Variants in KSR2 observed in about 807,000 individuals in gnomAD.
The protein encoded by KSR2 is kinase suppressor of ras 2.
Under a neutral mutation model 107.8 loss-of-function variants are expected in KSR2, and 25 were observed. The ratio of observed to expected loss-of-function variants is 0.23; its 90% CI spans 0.17 to 0.32. The LOEUF (loss-of-function observed/expected upper bound fraction) is 0.32. KSR2 is among the 10% of genes least tolerant of loss of function. The pLI is 1.00. For synonymous variants in KSR2, 480 were observed against 507.0 expected, an observed-to-expected ratio of 0.95 and a Z score of 0.71; for missense variants, 887 against 1,268.9, an observed-to-expected ratio of 0.70 and a Z score of 4.57.
At chr12:117,924,659 G>T (rs1163957100) in intron 1 of KSR2, among the ~76,000 whole-genome samples, 1 of 151,436 alleles carries the variant, frequency 6.6e-6, no homozygotes, top group African/African-American at 2.4e-5. Flanking sequence ...CCCTAAGGAG[G>T]CATAAAAAAT....
At chr12:117,852,071 G>A (rs1216979413) in intron 3 of KSR2, among the ~76,000 whole-genome samples, 1 of 144,566 alleles carries the variant, frequency 6.9e-6, no homozygotes, top group African/African-American at 2.9e-5. Flanking sequence ...CTATGTGTGT[G>A]GGGGGGGTCA....
At chr12:117,587,544 C>T (rs914937466) in intron 5 of KSR2, among the ~76,000 whole-genome samples, 4 of 152,102 alleles carry the variant, frequency 2.6e-5, no homozygotes, top group Non-Finnish European at 5.9e-5. Flanking sequence ...TTCTGACCTC[C>T]AGAACTGTAA....
chr12:117,664,704 A>T (rs1201834615), intron 5 of KSR2, among the ~76,000 whole-genome samples: 1 of 152,138 alleles, frequency 6.6e-6, no homozygotes, highest in African/African-American at 2.4e-5. Context: ...AGACCCAGAT[A>T]GAGGAAGGAA....
At chr12:117,509,265 T>C (rs1019607869) in intron 14 of KSR2, among the ~76,000 whole-genome samples, 3 of 152,150 alleles carry the variant, frequency 2.0e-5, no homozygotes, top group African/African-American at 7.2e-5. Context: ...GGCCCCCTCC[T>C]CCTTCCATCC....
At chr12:117,938,374 C>T (rs1028498425) in intron 1 of KSR2, among the ~76,000 whole-genome samples, 4 of 151,978 alleles carry the variant, frequency 2.6e-5, no homozygotes, top group African/African-American at 9.7e-5. Context: ...ACATCATAGG[C>T]CAGGTGTGGG....
At position 117,455,132 on chromosome 12, in the gene KSR2, C is replaced by T. The variant is rs1870549700; in HGVS notation, c.*12067G>A. Reference sequence around the variant, plus strand: ...TGAGGTGGCCTGAGTACTGGTCTGACTCCAGCAAGCACAAAACTCTCCTCA... The same window carrying T: ...TGAGGTGGCCTGAGTACTGGTCTGATTCCAGCAAGCACAAAACTCTCCTCA... On this transcript the variant is annotated 3_prime_UTR_variant, in exon 20 of 20. Coordinates refer to ENST00000339824, the MANE Select transcript of KSR2 (RefSeq NM_173598.6). 1.3e-5 allele frequency: 2 copies of T among 151,526 alleles called. No individual in the cohort carries two copies. Among genetic ancestry groups the T allele is most frequent in the Admixed American group, 6.6e-5 (1 of 15,226 alleles). 9.4% of individuals were successfully genotyped at this position (151,526 alleles called of 1,614,324 possible). A position where few individuals can be genotyped will look rare whatever the true frequency, so the allele number is the denominator to read the frequency against.
chr12:117,886,623 A>G (rs1159611108), intron 1 of KSR2, among the ~76,000 whole-genome samples: 1 of 152,180 alleles, frequency 6.6e-6, no homozygotes, highest in Non-Finnish European at 1.5e-5. Flanking sequence ...CAATGAAATC[A>G]CCTAACAATG....
chr12:117,929,485 C>G (rs958613082), intron 1 of KSR2, among the ~76,000 whole-genome samples: 3 of 152,334 alleles, frequency 2.0e-5, no homozygotes, highest in Non-Finnish European at 2.9e-5. Flanking sequence ...CCACATGGAA[C>G]TGTGAGTCCA....
chr12:117,875,001 G>T (rs572485040), intron 1 of KSR2, among the ~76,000 whole-genome samples: 5 of 152,276 alleles, frequency 3.3e-5, no homozygotes, highest in African/African-American at 1.2e-4. Flanking sequence ...GCCCGGAGGT[G>T]TAATTTTCCA....
rs80030527 is a variant in KSR2, at chr12:117,938,560, T to TAATAAATAAATA, written c.180+29504_180+29515dup. 2.5e-3 allele frequency among the ~76,000 whole-genome samples: 366 copies of TAATAAATAAATA among 147,636 alleles called. 1 individual carries two copies. Among genetic ancestry groups the TAATAAATAAATA allele is most frequent in the Middle Eastern group, 0.017 (5 of 290 alleles). On this transcript the variant is annotated intron_variant, in intron 1 of 19. Coordinates refer to ENST00000339824, the MANE Select transcript of KSR2 (RefSeq NM_173598.6). ...TACCCTAAAACTTAAAGTATAATAA[T>TAATAAATAAATA]AATAAATAAATAAATAAATAAATAA...
intron 1 of KSR2, among the ~76,000 whole-genome samples, chr12:117,925,881 A>G (rs1566084631): frequency 6.6e-6 from 1 of 152,192 alleles, no homozygotes; most frequent in Non-Finnish European, 1.5e-5. Flanking sequence ...AAACAAAGTA[A>G]TGGGTGCCTA....
At chr12:117,530,787 T>C (rs1875565598) in intron 12 of KSR2, among the ~76,000 whole-genome samples, 154 bp downstream of exon 12, 1 of 152,086 alleles carries the variant, frequency 6.6e-6, no homozygotes, top group African/African-American at 2.4e-5. Context: ...CCTAAGTTAT[T>C]CCCTATGTCT....
chr12:117,851,657 G>A (rs963638001), intron 3 of KSR2, among the ~76,000 whole-genome samples: 9 of 152,078 alleles, frequency 5.9e-5, no homozygotes, highest in South Asian at 2.1e-4. Context: ...TTGGGAGGTC[G>A]AGCCGGATGG....
At chr12:117,793,342 C>T (rs1358737700) in intron 3 of KSR2, among the ~76,000 whole-genome samples, 3 of 137,578 alleles carry the variant, frequency 2.2e-5, no homozygotes, top group African/African-American at 8.3e-5. Context: ...CACATACACA[C>T]CAGCATGCAC....
At chr12:117,657,238 G>T (rs971796282) in intron 5 of KSR2, among the ~76,000 whole-genome samples, 6 of 151,730 alleles carry the variant, frequency 4.0e-5, no homozygotes, top group African/African-American at 1.5e-4. Context: ...CTAGAATAGG[G>T]GAGACTGCTG....
chr12:117,529,565 G>A lies in KSR2; in HGVS notation c.1802+1376C>T, dbSNP rs141448115. 2.6e-3 allele frequency among the ~76,000 whole-genome samples: 400 copies of A among 152,206 alleles called. 1 individual carries two copies. Among genetic ancestry groups the A allele is most frequent in the African/African-American group, 9.3e-3 (385 of 41,534 alleles). On this transcript the variant is annotated intron_variant, in intron 12 of 19. Coordinates refer to ENST00000339824, the MANE Select transcript of KSR2 (RefSeq NM_173598.6). ...AAGCAATAAACCACCTGAAAAGAGG[G>A]TCTGTTTCCTAAGGATGCTATGCAC...
chr12:117,626,856 C>G (rs1337196438), intron 5 of KSR2, among the ~76,000 whole-genome samples: 1 of 152,122 alleles, frequency 6.6e-6, no homozygotes, highest in Admixed American at 6.5e-5. Flanking sequence ...CTTTGTAGGT[C>G]TCTAAGGACT....
intron 1 of KSR2, among the ~76,000 whole-genome samples, chr12:117,892,354 CT>C (rs779727026): frequency 3.9e-5 from 6 of 152,102 alleles, no homozygotes; most frequent in Non-Finnish European, 5.9e-5. Context: ...TATCTTTTGT[CT>C]TTCTCATTTG....
intron 12 of KSR2, among the ~76,000 whole-genome samples, chr12:117,527,340 C>G (rs1048708512): frequency 4.5e-4 from 59 of 132,136 alleles, no homozygotes; most frequent in African/African-American, 1.9e-3. Flanking sequence ...CACACACACA[C>G]ACACACAGAC....
Sources: allele counts gnomAD v4.1 joint callset (sites outside exome capture counted in the v4.1 genomes callset), GRCh38; gene constraint gnomAD v4.1.1; transcripts MANE v1.5; gene names NCBI Gene and HGNC (gene_info 2026-07-23, HGNC 2026-07-21).